PLD5: variants seen among roughly 807,000 people sequenced by gnomAD.
PLD5 encodes inactive phospholipase D5.
In PLD5, 36 loss-of-function variants were observed where a neutral mutation model predicts 61.1. The observed-to-expected ratio is 0.59, with a 90% CI of 0.45 to 0.78. The LOEUF (loss-of-function observed/expected upper bound fraction) is 0.78. PLD5 is among the 30% of genes least tolerant of loss of function. PLD5 has a pLI of 0.00. For synonymous variants in PLD5, 243 were observed against 242.8 expected (o/e 1.00, Z -0.01); for missense variants, 515 against 644.4 (o/e 0.80, Z 2.17).
intron 1 of PLD5, among the ~76,000 whole-genome samples, chr1:242,403,636 T>TC (rs1314674818): frequency 6.6e-6 from 1 of 151,946 alleles, no homozygotes; most frequent in Non-Finnish European, 1.5e-5. Flanking sequence ...GGGTAATTTT[T>TC]TGTATTTTTT....
rs200349320 is a variant in PLD5 at position 242,239,519 on chromosome 1, TA to T, written c.608-19405del. ...CTTTATGTGTGTGGCTGAGGAAATG[TA>T]TTGTATTTACTTATATGTACTCTGA... On this transcript the variant is annotated intron_variant, in intron 4 of 9. Transcript: ENST00000536534. 9.7e-3 allele frequency among the ~76,000 whole-genome samples: 1,479 copies of T among 152,334 alleles called. 22 individuals carry two copies. The highest frequency in any genetic ancestry group is 0.034 in the African/African-American group (1,401 of 41,580).
In PLD5 at chr1:242,341,992, A is replaced by G. The variant is rs144219117; in HGVS notation, c.326+6114T>C. On this transcript the variant is annotated intron_variant, in intron 2 of 9. Coordinates refer to ENST00000536534, the MANE Select transcript of PLD5 (RefSeq NM_001372062.1). ...GAGGAGGTCTTGAACAGAGGCTGCC[A>G]TAACTACCTAGATAAAATAGGTGAC... 4.8e-3 allele frequency among the ~76,000 whole-genome samples: 732 copies of G among 152,122 alleles called. 11 individuals are homozygous for G. Among genetic ancestry groups the G allele is most frequent in the East Asian group, 0.027 (138 of 5,158 alleles).
chr1:242,087,570 A>G lies in PLD5; in HGVS notation c.*2284T>C, dbSNP rs1349789572. On this transcript the variant is annotated 3_prime_UTR_variant, in exon 10 of 10. Transcript: ENST00000536534. ...TTGTTTGTCTGAGTGTGAACTTGGTAGGTTTGTCTCCACTCCTATTCTGAT... is the reference window on the plus strand; with the variant it reads ...TTGTTTGTCTGAGTGTGAACTTGGTGGGTTTGTCTCCACTCCTATTCTGAT... 6.6e-6 allele frequency: 1 copy of G among 151,744 alleles called. No individual in the cohort carries two copies. Among genetic ancestry groups the G allele is most frequent in the Non-Finnish European group, 1.5e-5 (1 of 67,950 alleles). 9.4% of individuals were successfully genotyped at this position (151,744 alleles called of 1,614,324 possible). A position where few individuals can be genotyped will look rare whatever the true frequency, so the allele number is the denominator to read the frequency against.
intron 1 of PLD5, among the ~76,000 whole-genome samples, chr1:242,521,443 T>C (rs567913149): frequency 1.5e-5 from 2 of 133,062 alleles, no homozygotes; most frequent in African/African-American, 2.8e-5. Context: ...CTCTGAAGTC[T>C]GGACAGAGCC....
intron 1 of PLD5, among the ~76,000 whole-genome samples, chr1:242,373,604 G>A (rs1165131938): frequency 6.6e-6 from 1 of 152,142 alleles, no homozygotes; most frequent in Non-Finnish European, 1.5e-5. Flanking sequence ...TATACACCAT[G>A]GAATACTATG....
chr1:242,418,971 G>C (rs1317244693), intron 1 of PLD5, among the ~76,000 whole-genome samples: 1 of 152,010 alleles, frequency 6.6e-6, no homozygotes, highest in Non-Finnish European at 1.5e-5. Flanking sequence ...TAGTTCCCTG[G>C]CTGGAGCTAG....
At chr1:242,292,982 A>G (rs1356506209) in intron 2 of PLD5, among the ~76,000 whole-genome samples, 2 of 152,222 alleles carry the variant, frequency 1.3e-5, no homozygotes, top group Non-Finnish European at 2.9e-5. Flanking sequence ...TCGACTGTCA[A>G]AGGGGTCCAT....
At chr1:242,210,129 T>A (rs1669708902) in intron 5 of PLD5, among the ~76,000 whole-genome samples, 2 of 152,142 alleles carry the variant, frequency 1.3e-5, no homozygotes, top group Non-Finnish European at 2.9e-5. Flanking sequence ...CTCTTAATGA[T>A]GAACCTCAGT....
At chr1:242,496,602 C>T (rs1668377278) in intron 1 of PLD5, among the ~76,000 whole-genome samples, 7 of 152,138 alleles carry the variant, frequency 4.6e-5, no homozygotes, top group Admixed American at 2.6e-4. Flanking sequence ...TTAAAAGTTA[C>T]CAATATTGTC....
In PLD5 at chr1:242,439,692, C is replaced by A. The variant is rs748935048; in HGVS notation, c.189+84396G>T. Among the ~76,000 whole-genome samples, 5 of 152,304 alleles carry A rather than the reference C, an allele frequency of 3.3e-5. No homozygotes were observed. The East Asian group carries it at 9.6e-4, about 29-fold the overall frequency. The stretch of plus-strand genomic sequence containing the variant: ...ATCCAATTTTCCGTGAAGCACACTA[C>A]GGACTGCAGGTATAAACGAATGCAT... On this transcript the variant is annotated intron_variant, in intron 1 of 9. Coordinates refer to ENST00000536534, the MANE Select transcript of PLD5 (RefSeq NM_001372062.1).
intron 7 of PLD5, among the ~76,000 whole-genome samples, chr1:242,112,962 G>A (rs1407897055): frequency 6.6e-6 from 1 of 151,962 alleles, no homozygotes; most frequent in African/African-American, 2.4e-5. Flanking sequence ...TTTATTCCGT[G>A]TTTGCATGCT....
intron 9 of PLD5, among the ~76,000 whole-genome samples, chr1:242,095,265 C>A (rs897306450): frequency 1.1e-4 from 16 of 152,116 alleles, no homozygotes; most frequent in Non-Finnish European, 2.4e-4. Flanking sequence ...GAGTCTTACT[C>A]TGTCTTCCCC....
rs34280777 is a variant in PLD5, at chr1:242,168,846, G to GTTTTTTTTTTTTTTT, written c.736-44196_736-44182dup. Among the ~76,000 whole-genome samples, 248 of 111,266 alleles carry GTTTTTTTTTTTTTTT rather than the reference G, an allele frequency of 2.2e-3. 24 individuals are homozygous for GTTTTTTTTTTTTTTT. The East Asian group carries it at 0.026, about 12-fold the overall frequency. 73.0% of individuals were successfully genotyped at this position (111,266 alleles called of 152,430 possible). On this transcript the variant is annotated intron_variant, in intron 5 of 9. Coordinates refer to ENST00000536534, the MANE Select transcript of PLD5 (RefSeq NM_001372062.1). ...TCCATGACAGTTTTTAATTAATGAA[G>GTTTTTTTTTTTTTTT]TTTTTTTTTTTTTTTTTTTTACCAC...
intron 4 of PLD5, among the ~76,000 whole-genome samples, chr1:242,225,468 A>C (rs1353827323): frequency 6.7e-6 from 1 of 150,256 alleles, no homozygotes; most frequent in Admixed American, 6.6e-5. Flanking sequence ...ATGGTATGGA[A>C]TGCACCACAC....
At chr1:242,397,799 G>C (rs1231429148) in intron 1 of PLD5, among the ~76,000 whole-genome samples, 2 of 117,136 alleles carry the variant, frequency 1.7e-5, no homozygotes, top group Non-Finnish European at 3.6e-5. Context: ...TTTTTTTTTT[G>C]GTAGCCTCAA....
chr1:242,170,717 C>G (rs935362451), intron 5 of PLD5, among the ~76,000 whole-genome samples: 4 of 152,072 alleles, frequency 2.6e-5, no homozygotes, highest in African/African-American at 9.7e-5. Flanking sequence ...TGTAAATGAC[C>G]CGATGGAGCT....
At chr1:242,424,852 C>G (rs769747289) in intron 1 of PLD5, among the ~76,000 whole-genome samples, 3 of 152,084 alleles carry the variant, frequency 2.0e-5, no homozygotes, top group African/African-American at 4.8e-5. Context: ...GTGTTGCTGA[C>G]CGGGCGTGGT....
chr1:242,482,664 C>A (rs1216071616), intron 1 of PLD5, among the ~76,000 whole-genome samples: 2 of 152,112 alleles, frequency 1.3e-5, no homozygotes, highest in South Asian at 4.1e-4. Flanking sequence ...ACTTCCCCAA[C>A]CTAGCAAGGC....
chr1:242,132,312 G>C (rs1550122), intron 5 of PLD5, among the ~76,000 whole-genome samples: 99,365 of 150,882 alleles, frequency 0.66, 33,042 homozygotes, highest in African/African-American at 0.74. Flanking sequence ...GATGGATGCT[G>C]TTGTCATCAG....
Sources: allele counts gnomAD v4.1 joint callset (sites outside exome capture counted in the v4.1 genomes callset), GRCh38; gene constraint gnomAD v4.1.1; transcripts MANE v1.5; gene names NCBI Gene and HGNC (gene_info 2026-07-23, HGNC 2026-07-21).